The following PPARGC1A variants were observed in gnomAD, a reference collection of about 807,000 sequenced individuals.
The protein encoded by PPARGC1A is PPARG coactivator 1 alpha, also known as peroxisome proliferator-activated receptor gamma coactivator 1-alpha.
Under a neutral mutation model 88.7 loss-of-function variants are expected in PPARGC1A, and 25 were observed. That is an observed-to-expected ratio of 0.28 (90% CI 0.21 to 0.39). The LOEUF (loss-of-function observed/expected upper bound fraction) is 0.39. PPARGC1A is among the 10% of genes least tolerant of loss of function. The pLI is 1.00. For synonymous variants in PPARGC1A, 363 were observed against 355.6 expected, an observed-to-expected ratio of 1.02 and a Z score of -0.24; for missense variants, 880 against 968.7, an observed-to-expected ratio of 0.91 and a Z score of 1.22.
the PPARGC1A span, among the ~76,000 whole-genome samples, chr4:23,965,506 G>C: frequency 6.6e-6 from 1 of 152,106 alleles, no homozygotes; most frequent in African/African-American, 2.4e-5. Flanking sequence ...GTGCCTCTCC[G>C]TACAGAGGTA....
At chr4:24,471,069 C>T in the PPARGC1A span, among the ~76,000 whole-genome samples, 2 of 151,488 alleles carry the variant, frequency 1.3e-5, no homozygotes, top group Non-Finnish European at 2.9e-5. This position sits in a 1 kb window ranked among gnomAD's most constrained non-coding sequence, Gnocchi z 5.4. Context: ...CCGCAAGCGG[C>T]CGAGGCTGGC....
chr4:24,180,800 A>C, the PPARGC1A span, among the ~76,000 whole-genome samples: 2 of 152,288 alleles, frequency 1.3e-5, no homozygotes, highest in Non-Finnish European at 2.9e-5. Flanking sequence ...AGTCATTCTC[A>C]TCCATGTGGA....
rs887173319 is a variant in PPARGC1A, at chr4:23,816,527, C to T, written c.878-1922G>A. ...ACATGCTACCTTCAATTACCACTTG[C>T]AATTCCCAGCGAGATAAAAAAAAAA... is the stretch of plus-strand genomic sequence containing the variant. On this transcript the variant is annotated intron_variant, in intron 7 of 12. Coordinates refer to ENST00000264867, the MANE Select transcript of PPARGC1A (RefSeq NM_013261.5). 3.5e-5 allele frequency among the ~76,000 whole-genome samples: 5 copies of T among 144,824 alleles called. No individual in the cohort carries two copies. In the Admixed American group the frequency reaches 3.6e-4, roughly 10 times the overall value.
chr4:24,020,060 T>C, the PPARGC1A span, among the ~76,000 whole-genome samples: 7 of 152,264 alleles, frequency 4.6e-5, no homozygotes, highest in African/African-American at 1.7e-4. Context: ...CATGGGAGAA[T>C]GAAAAATAAA....
the PPARGC1A span, among the ~76,000 whole-genome samples, chr4:24,048,440 A>G: frequency 6.6e-6 from 1 of 152,148 alleles, no homozygotes; most frequent in African/African-American, 2.4e-5. Flanking sequence ...AATGGTCACA[A>G]TGAATTTTTG....
At chr4:24,000,190 T>C in the PPARGC1A span, among the ~76,000 whole-genome samples, 2 of 152,174 alleles carry the variant, frequency 1.3e-5, no homozygotes, top group African/African-American at 4.8e-5. Context: ...CCAACGAAAT[T>C]ACTTCATAAC....
At chr4:23,921,489 A>G in the PPARGC1A span, among the ~76,000 whole-genome samples, 1 of 152,224 alleles carries the variant, frequency 6.6e-6, no homozygotes, top group Non-Finnish European at 1.5e-5. Context: ...AAAATGCACT[A>G]CACAGCAGAC....
At chr4:24,419,590 A>T in the PPARGC1A span, among the ~76,000 whole-genome samples, 2 of 151,530 alleles carry the variant, frequency 1.3e-5, no homozygotes, top group Non-Finnish European at 2.9e-5. Context: ...AATTGTGACC[A>T]CACTTCCTTA....
the PPARGC1A span, among the ~76,000 whole-genome samples, chr4:24,143,251 A>T: frequency 1.3e-5 from 2 of 152,156 alleles, no homozygotes; most frequent in East Asian, 3.9e-4. Flanking sequence ...TGCCCCAGGC[A>T]CTGGGGATGT....
At chr4:24,227,134 G>A in the PPARGC1A span, among the ~76,000 whole-genome samples, 1 of 151,952 alleles carries the variant, frequency 6.6e-6, no homozygotes, top group Non-Finnish European at 1.5e-5. Flanking sequence ...GCCCAGGCTG[G>A]AGTGCAGTGG....
At chr4:24,073,933 C>T in the PPARGC1A span, among the ~76,000 whole-genome samples, 1 of 152,190 alleles carries the variant, frequency 6.6e-6, no homozygotes, top group East Asian at 1.9e-4. Context: ...CTCTGGACTC[C>T]TGATGGCTCC....
the PPARGC1A span, among the ~76,000 whole-genome samples, chr4:23,968,898 G>A: frequency 1.3e-5 from 2 of 151,098 alleles, no homozygotes; most frequent in Admixed American, 6.7e-5. Flanking sequence ...GGCGACAAGA[G>A]CAAAACTCCA....
At chr4:24,293,941 A>G in the PPARGC1A span, among the ~76,000 whole-genome samples, 1 of 152,174 alleles carries the variant, frequency 6.6e-6, no homozygotes, top group African/African-American at 2.4e-5. Flanking sequence ...TGGTATGAAG[A>G]GATGGATAAA....
the PPARGC1A span, among the ~76,000 whole-genome samples, chr4:24,380,307 CAG>C: frequency 1.3e-5 from 2 of 152,070 alleles, no homozygotes; most frequent in African/African-American, 4.8e-5. Flanking sequence ...GCAGTCTAGA[CAG>C]AGGGAATCAC....
chr4:24,433,063 G>A, the PPARGC1A span, among the ~76,000 whole-genome samples: 1 of 152,214 alleles, frequency 6.6e-6, no homozygotes, highest in Non-Finnish European at 1.5e-5. Context: ...TAATGCCTTA[G>A]AGATGGAACC....
At chr4:24,365,348 G>A in the PPARGC1A span, among the ~76,000 whole-genome samples, 65 of 152,104 alleles carry the variant, frequency 4.3e-4, no homozygotes, top group African/African-American at 1.4e-3. Context: ...TTCTCTGCCC[G>A]GTGACATTTT....
intron 5 of PPARGC1A, among the ~76,000 whole-genome samples, chr4:23,827,659 C>T (rs1328083825): frequency 6.6e-6 from 1 of 152,124 alleles, no homozygotes; most frequent in Non-Finnish European, 1.5e-5. Context: ...GAACCATCAG[C>T]CTTCTCCAGC....
the PPARGC1A span, among the ~76,000 whole-genome samples, chr4:24,303,923 T>C: frequency 1.3e-4 from 20 of 152,126 alleles, no homozygotes; most frequent in African/African-American, 4.1e-4. Context: ...GAGGGAAAAA[T>C]GTACAAGGAA....
the PPARGC1A span, among the ~76,000 whole-genome samples, chr4:24,092,290 T>C: frequency 6.6e-6 from 1 of 152,086 alleles, no homozygotes; most frequent in South Asian, 2.1e-4. Flanking sequence ...AGGCTTCGGT[T>C]TGAATGAACT....
Sources: allele counts gnomAD v4.1 joint callset (sites outside exome capture counted in the v4.1 genomes callset), GRCh38; gene constraint gnomAD v4.1.1; non-coding constraint Gnocchi (gnomAD v3.1); transcripts MANE v1.5; gene names NCBI Gene and HGNC (gene_info 2026-07-23, HGNC 2026-07-21).